The following DENND2B variants were observed in gnomAD, a reference collection of about 807,000 sequenced individuals.
The protein encoded by DENND2B is DENN domain containing 2B.
Under a neutral mutation model 116.0 loss-of-function variants are expected in DENND2B, and 32 were observed. The observed-to-expected ratio is 0.28, with a 90% CI of 0.21 to 0.37. The LOEUF (loss-of-function observed/expected upper bound fraction) is 0.37, where lower values mean the gene tolerates loss of function less well. Ranked by LOEUF, DENND2B falls within the 10% of genes least tolerant of loss-of-function variation. The probability of loss-of-function intolerance (pLI) is 1.00; values close to 1 mark genes in which losing one functional copy is unlikely to be tolerated. For missense variants in DENND2B, 1,276 were observed against 1,477.7 expected (o/e 0.86, Z 2.24); for synonymous variants, 588 against 583.9 (o/e 1.01, Z -0.10).
chr11:8,725,127 T>C (rs1048576202), intron 4 of DENND2B, among the ~76,000 whole-genome samples: 2 of 152,194 alleles, frequency 1.3e-5, no homozygotes, highest in Non-Finnish European at 2.9e-5. Context: ...GCTTGTACAA[T>C]AGACTGAATG....
At chr11:8,830,118 A>T (rs909481696) in intron 4 of DENND2B, among the ~76,000 whole-genome samples, 1 of 152,074 alleles carries the variant, frequency 6.6e-6, no homozygotes, top group Admixed American at 6.5e-5. Context: ...TCCTATTTTC[A>T]TCGATCTACA....
Position 8,901,424 on chromosome 11 carries a change from T to G in DENND2B, c.-256+9397A>C, listed in dbSNP as rs751323041. Among the ~76,000 whole-genome samples, 12 of 151,160 alleles carry G rather than the reference T, an allele frequency of 7.9e-5. No homozygotes were observed. In the South Asian group the frequency reaches 1.0e-3, roughly 13 times the overall value. ...TTTGTATTTTTAGTAGAGACGGGGTTTCACCATGTTGGCCAGGCTGGTCTC... is the reference window on the plus strand; with the variant it reads ...TTTGTATTTTTAGTAGAGACGGGGTGTCACCATGTTGGCCAGGCTGGTCTC... On this transcript the variant is annotated intron_variant, in intron 1 of 22. Transcript: ENST00000534127.
At chr11:8,900,814 A>C in intron 1 of DENND2B, among the ~76,000 whole-genome samples, 1 of 152,004 alleles carries the variant, frequency 6.6e-6, no homozygotes, top group African/African-American at 2.4e-5. Flanking sequence ...TAAAAATACA[A>C]AAAAATTAGC....
Position 8,845,439 on chromosome 11 carries a change from A to G in DENND2B, c.-155-6089T>C, listed in dbSNP as rs957414233. 9.9e-5 allele frequency: 15 copies of G among 152,244 alleles called. 1 individual carries two copies. The highest frequency in any genetic ancestry group is 1.9e-4 in the Non-Finnish European group (13 of 68,044). 9.4% of individuals were successfully genotyped at this position (152,244 alleles called of 1,614,324 possible). A position where few individuals can be genotyped will look rare whatever the true frequency, so the allele number is the denominator to read the frequency against. ...TGACCTATAATCAAAAATTATTTTT[A>G]ATTATCTACCAACTGACAATGCCTT... On this transcript the variant is annotated intron_variant, in intron 3 of 6. Coordinates refer to the DENND2B transcript ENST00000524757.
At chr11:8,741,565 G>A (rs79147454) in intron 2 of DENND2B, among the ~76,000 whole-genome samples, 113 of 152,284 alleles carry the variant, frequency 7.4e-4, no homozygotes, top group African/African-American at 2.4e-3. Flanking sequence ...TTTAAAACGT[G>A]GTCCCCAAAT....
chr11:8,730,436 ATCCGGCTCAGCACTGCTG>A lies in DENND2B; in HGVS notation c.836_853del (p.Ser279_Ile285delinsPhe). The A allele has an allele frequency of 6.2e-7, 1 of 1,609,300 alleles. No homozygotes were observed. The highest frequency in any genetic ancestry group is 8.5e-7 in the Non-Finnish European group (1 of 1,179,914). ...CTTCAGGACCTGTTCAATTTTCTGG[ATCCGGCTCAGCACTGCTG>A]AGCTCTCCTTCCTGCTGCCATGCCC... On this transcript the variant is annotated inframe_deletion, in exon 3 of 20. Transcript: ENST00000313726. This position sits in a 1 kb window ranked among gnomAD's most constrained non-coding sequence, Gnocchi z 4.1.
chr11:8,905,352 G>A (rs993106219), intron 1 of DENND2B, among the ~76,000 whole-genome samples: 1 of 152,076 alleles, frequency 6.6e-6, no homozygotes, highest in Non-Finnish European at 1.5e-5. Flanking sequence ...GAAAAGAAAT[G>A]AATCTAGACC....
At chr11:8,872,584 T>G (rs1053268404), upstream of DENND2B, among the ~76,000 whole-genome samples, 2 of 151,890 alleles carry the variant, frequency 1.3e-5, no homozygotes, top group Admixed American at 1.3e-4. Context: ...ACTGATAAAG[T>G]CTACTGTTCC....
At chr11:8,700,698 T>G (rs1312465111) in intron 14 of DENND2B, among the ~76,000 whole-genome samples, 1 of 152,204 alleles carries the variant, frequency 6.6e-6, no homozygotes. Context: ...TTGGGATGGA[T>G]TCTTTGACCA....
intron 2 of DENND2B, among the ~76,000 whole-genome samples, chr11:8,738,903 C>CT (rs71059176): frequency 6.6e-6 from 1 of 152,196 alleles, no homozygotes; most frequent in Non-Finnish European, 1.5e-5. Flanking sequence ...ACCCTACCCC[C>CT]TTTCAGGTAG....
chr11:8,746,333 TGA>T (rs1555163610), intron 2 of DENND2B, among the ~76,000 whole-genome samples: 1 of 152,194 alleles, frequency 6.6e-6, no homozygotes, highest in Non-Finnish European at 1.5e-5. Context: ...CCTGCAAATA[TGA>T]GTTGAAATTA....
intron 1 of DENND2B, among the ~76,000 whole-genome samples, chr11:8,758,836 C>T (rs990067436): frequency 2.0e-5 from 3 of 152,162 alleles, no homozygotes; most frequent in Non-Finnish European, 2.9e-5. Context: ...AGGTAAGTGT[C>T]GCAGCTCTCT....
intron 19 of DENND2B, 152 bp downstream of exon 19, chr11:8,695,311 C>A (rs1246615181): frequency 4.5e-5 from 33 of 729,782 alleles, no homozygotes; most frequent in Admixed American, 7.2e-5. Flanking sequence ...TGGCTGAGAA[C>A]CTTCTAGTCA....
intron 1 of DENND2B, among the ~76,000 whole-genome samples, chr11:8,792,522 C>T (rs1282170126): frequency 6.6e-6 from 1 of 152,044 alleles, no homozygotes; most frequent in African/African-American, 2.4e-5. Flanking sequence ...AAATTATCAG[C>T]AACACATATG....
At position 8,754,024 on chromosome 11, in the gene DENND2B, A is replaced by AGCGC. The variant is rs553192314; in HGVS notation, c.-25-3303_-25-3300dup. On this transcript the variant is annotated intron_variant, in intron 1 of 19. Coordinates refer to ENST00000313726, the MANE Select transcript of DENND2B (RefSeq NM_213618.2). The stretch of plus-strand genomic sequence containing the variant: ...ATGGTTTCTTAGATATAACACCAAA[A>AGCGC]GCGCGCACACACACACACACACACA... Among the ~76,000 whole-genome samples, 450 of 142,792 alleles carry AGCGC rather than the reference A, an allele frequency of 3.2e-3. 7 individuals are homozygous for AGCGC. The highest frequency in any genetic ancestry group is 0.014 in the Middle Eastern group (4 of 284). The allele number at this position is 142,792 out of a possible 152,430, so 93.7% of individuals were successfully genotyped here.
intron 1 of DENND2B, among the ~76,000 whole-genome samples, chr11:8,901,855 T>C (rs2064174912): frequency 6.6e-6 from 1 of 152,224 alleles, no homozygotes; most frequent in African/African-American, 2.4e-5. Flanking sequence ...TTTAAATTCA[T>C]TGAGACTTGT....
intron 1 of DENND2B, among the ~76,000 whole-genome samples, chr11:8,770,908 A>G (rs1593430021): frequency 6.6e-6 from 1 of 152,118 alleles, no homozygotes; most frequent in Non-Finnish European, 1.5e-5. Context: ...GGAAGTACGC[A>G]CACCCCACCT....
At chr11:8,695,971 G>T in intron 18 of DENND2B, 1 of 244,134 alleles carries the variant, frequency 4.1e-6, no homozygotes, top group African/African-American at 2.3e-5. Flanking sequence ...AAAAGCCCTC[G>T]AATGAGCTGA....
At position 8,889,458 on chromosome 11, in the gene DENND2B, G is replaced by A. The variant is rs558275044; in HGVS notation, c.-255-8349C>T. Among the ~76,000 whole-genome samples the A allele has an allele frequency of 7.2e-5, 11 of 152,334 alleles. No individual in the cohort carries two copies. In the East Asian group the frequency reaches 7.7e-4, roughly 11 times the overall value. Reference sequence around the variant, plus strand: ...AGCAGGGCGAGGCATCGCCTCACCCGGGAAACGCAAGGGTCAGGGAATTCC... The same window carrying A: ...AGCAGGGCGAGGCATCGCCTCACCCAGGAAACGCAAGGGTCAGGGAATTCC... On this transcript the variant is annotated intron_variant, in intron 1 of 22. Transcript: ENST00000534127.
Sources: gnomAD v4.1 joint callset for allele counts (sites outside exome capture counted in the v4.1 genomes callset) on GRCh38, gnomAD v4.1.1 for gene constraint, Gnocchi (gnomAD v3.1) non-coding constraint, MANE v1.5 for transcripts, NCBI Gene and HGNC (gene_info 2026-07-23, HGNC 2026-07-21) for gene names.